Variants in ACAA2 observed in about 807,000 individuals in gnomAD.
ACAA2 encodes 3-ketoacyl-CoA thiolase, mitochondrial.
ACAA2 carries 35 observed loss-of-function variants against 44.8 expected under a neutral mutation model. The observed-to-expected ratio is 0.78, with a 90% CI of 0.60 to 1.04. The LOEUF (loss-of-function observed/expected upper bound fraction) is 1.04, where lower values mean the gene tolerates loss of function less well. Ranked by LOEUF, ACAA2 falls within the 50% of genes least tolerant of loss-of-function variation. The probability of loss-of-function intolerance (pLI) is 0.00; values close to 1 mark genes in which losing one functional copy is unlikely to be tolerated. For missense variants in ACAA2, 468 were observed against 482.6 expected (o/e 0.97, Z 0.28); for synonymous variants, 142 against 166.5 (o/e 0.85, Z 1.13).
intron 2 of ACAA2, among the ~76,000 whole-genome samples, chr18:49,799,747 C>T (rs1022135042): frequency 4.0e-5 from 6 of 150,684 alleles, no homozygotes; most frequent in African/African-American, 7.3e-5. Flanking sequence ...TCTGCCTGGC[C>T]GCCATCCCAT....
intron 1 of ACAA2, among the ~76,000 whole-genome samples, chr18:49,810,503 T>C (rs891200005): frequency 6.6e-6 from 1 of 152,032 alleles, no homozygotes; most frequent in African/African-American, 2.4e-5. Flanking sequence ...AAATATGCAA[T>C]ATCTACAAAG....
intron 1 of ACAA2, among the ~76,000 whole-genome samples, chr18:49,803,481 A>G (rs2023580160): frequency 6.6e-6 from 1 of 152,120 alleles, no homozygotes; most frequent in Admixed American, 6.5e-5. Context: ...TTTCTTTTTG[A>G]GGGAGCTCGG....
chr18:49,794,247 C>G (rs1197398201), intron 5 of ACAA2, 33 bp downstream of exon 5: 3 of 1,527,232 alleles, frequency 2.0e-6, no homozygotes, highest in African/African-American at 2.8e-5. Context: ...GATATTTATT[C>G]TATAGATACT....
intron 5 of ACAA2, 120 bp from the exon 6 acceptor site, chr18:49,792,447 GTCTT>G (rs771850474): frequency 1.0e-4 from 97 of 947,522 alleles, no homozygotes; most frequent in Non-Finnish European, 1.5e-4. Flanking sequence ...TTAATATTGA[GTCTT>G]TATTAATTTT....
intron 2 of ACAA2, among the ~76,000 whole-genome samples, chr18:49,798,304 A>G (rs1405466311): frequency 1.3e-5 from 2 of 152,218 alleles, no homozygotes; most frequent in Non-Finnish European, 2.9e-5. Context: ...AGGTAGGAGT[A>G]GACCACCACT....
Position 49,802,589 on chromosome 18 carries a change from T to G in ACAA2, c.183+98A>C, listed in dbSNP as rs2023566724. On this transcript the variant is annotated intron_variant, in intron 2 of 9. Coordinates refer to ENST00000285093, the MANE Select transcript of ACAA2 (RefSeq NM_006111.3). Reference sequence around the variant, plus strand: ...AAAAAAAAAAAAAAGTCTATAACTATTATTAACTTGTTTACCATTATGATA... The same window carrying G: ...AAAAAAAAAAAAAAGTCTATAACTAGTATTAACTTGTTTACCATTATGATA... 2.6e-6 allele frequency: 3 copies of G among 1,169,706 alleles called. No individual in the cohort carries two copies. The East Asian group carries it at 7.6e-5, about 30-fold the overall frequency. The allele number at this position is 1,169,706 out of a possible 1,614,324, so 72.5% of individuals were successfully genotyped here.
At chr18:49,788,505 G>GGCTACTGATTTACTACA (rs71827683) in intron 7 of ACAA2, among the ~76,000 whole-genome samples, 1 of 151,916 alleles carries the variant, frequency 6.6e-6, no homozygotes, top group African/African-American at 2.4e-5. Flanking sequence ...AGTTTCATGT[G>GGCTACTGATTTACTACA]GCTACTGATT....
rs2023283728 is a variant in ACAA2, at chr18:49,782,932, T to C, written c.*915A>G. On this transcript the variant is annotated 3_prime_UTR_variant, in exon 10 of 10. Transcript: ENST00000285093. ...TTAATTAAAATTTCCAGTGGCTCTTTGATGAAGTTAACAAGAATAGGGCCT... is the reference window on the plus strand; with the variant it reads ...TTAATTAAAATTTCCAGTGGCTCTTCGATGAAGTTAACAAGAATAGGGCCT... 1 of 152,136 alleles carries C rather than the reference T, an allele frequency of 6.6e-6. No homozygotes were observed. The highest frequency in any genetic ancestry group is 1.5e-5 in the Non-Finnish European group (1 of 68,030). The allele number at this position is 152,136 out of a possible 1,614,324, so 9.4% of individuals were successfully genotyped here.
intron 7 of ACAA2, 55 bp downstream of exon 7, chr18:49,791,415 A>C: frequency 6.4e-7 from 1 of 1,566,848 alleles, no homozygotes; most frequent in Non-Finnish European, 8.7e-7. Flanking sequence ...TGAATGCCAA[A>C]GAAGACTTAC....
chr18:49,789,116 G>A (rs568937544), intron 7 of ACAA2, among the ~76,000 whole-genome samples: 37 of 152,292 alleles, frequency 2.4e-4, no homozygotes, highest in Middle Eastern at 6.8e-3. Flanking sequence ...GTTCCAGGGA[G>A]TGCTGTCTTT....
intron 2 of ACAA2, among the ~76,000 whole-genome samples, chr18:49,800,939 AAGG>A (rs1288412720): frequency 2.6e-5 from 4 of 152,146 alleles, no homozygotes; most frequent in Non-Finnish European, 4.4e-5. Flanking sequence ...GTAAAGTTGA[AAGG>A]CCAGATGCTT....
chr18:49,787,463 C>T (rs186500542), intron 7 of ACAA2, 102 bp from the exon 8 acceptor site: 15 of 851,928 alleles, frequency 1.8e-5, no homozygotes, highest in Admixed American at 1.2e-4. Context: ...AGAAATAATG[C>T]GGCAGTTATT....
At chr18:49,795,534 G>C (rs1312318080) in intron 4 of ACAA2, among the ~76,000 whole-genome samples, 1 of 151,976 alleles carries the variant, frequency 6.6e-6, no homozygotes, top group Non-Finnish European at 1.5e-5. Context: ...TACTACTAGA[G>C]GTCTGCTGAG....
At chr18:49,799,787 C>T (rs987702224) in intron 2 of ACAA2, among the ~76,000 whole-genome samples, 8 of 148,528 alleles carry the variant, frequency 5.4e-5, no homozygotes, top group African/African-American at 1.0e-4. Context: ...TCTTCCCAGC[C>T]GCCATCCCGT....
At chr18:49,787,104 C>T (rs2023339166) in intron 8 of ACAA2, among the ~76,000 whole-genome samples, 187 bp downstream of exon 8, 1 of 151,618 alleles carries the variant, frequency 6.6e-6, no homozygotes, top group Admixed American at 6.6e-5. Context: ...GCATGTTAAC[C>T]AGGTGGGGAA....
At chr18:49,796,501 C>T (rs1029413275) in intron 3 of ACAA2, among the ~76,000 whole-genome samples, 2 of 152,138 alleles carry the variant, frequency 1.3e-5, no homozygotes, top group African/African-American at 4.8e-5. Flanking sequence ...TATTAAAATA[C>T]GCCTCTGGCT....
intron 1 of ACAA2, among the ~76,000 whole-genome samples, chr18:49,810,869 TAG>T: frequency 6.6e-6 from 1 of 150,674 alleles, no homozygotes; most frequent in South Asian, 2.1e-4. Flanking sequence ...GTATTTTTTG[TAG>T]AGACTGGGTT....
chr18:49,795,796 C>T lies in ACAA2; in HGVS notation c.398G>A (p.Arg133His), dbSNP rs772972462. The change falls in exon 4 of 10, where the codon CGT becomes CAT. Residue 133 changes from arginine (R) to histidine (H), a missense_variant. Physicochemically the swap from Arg to His is conservative, Grantham distance 29. Coordinates refer to ENST00000285093, the MANE Select transcript of ACAA2 (RefSeq NM_006111.3). ...ATCTGATCCAAGCTTGGTTCCAAAA[C>T]GCACATTTCTGACACAGTAGGGAGC... Reference protein sequence around the residue: ...SQAPYCVRNVRFGTKLGSDIK... With the variant: ...SQAPYCVRNVHFGTKLGSDIK... The T allele has an allele frequency of 2.9e-5, 47 of 1,608,844 alleles. No individual in the cohort carries two copies. The highest frequency in any genetic ancestry group is 9.4e-5 in the African/African-American group (7 of 74,748).
At chr18:49,795,706 T>G (rs2023456971) in intron 4 of ACAA2, 59 bp downstream of exon 4, 18 of 1,046,650 alleles carry the variant, frequency 1.7e-5, no homozygotes, top group Non-Finnish European at 2.5e-5. Flanking sequence ...GGTATGTTAT[T>G]AAAAGTACTT....
Sources: allele counts gnomAD v4.1 joint callset (sites outside exome capture counted in the v4.1 genomes callset), GRCh38; gene constraint gnomAD v4.1.1; transcripts MANE v1.5; gene names NCBI Gene and HGNC (gene_info 2026-07-23, HGNC 2026-07-21).